Variants in DNAH14 observed in about 807,000 individuals in gnomAD.
DNAH14 encodes the protein axonemal beta dynein heavy chain 14.
Under a neutral mutation model 520.9 loss-of-function variants are expected in DNAH14, and 478 were observed. The ratio of observed to expected loss-of-function variants is 0.92; its 90% confidence interval spans 0.85 to 0.99. DNAH14 has a LOEUF of 0.99. DNAH14 is among the 50% of genes least tolerant of loss of function. DNAH14 has a pLI of 0.00. For missense variants in DNAH14, 4,831 were observed against 5,234.5 expected (o/e 0.92, Z 2.38); for synonymous variants, 1,581 against 1,757.2 (o/e 0.90, Z 2.51).
At chr1:224,940,915 T>C (rs1156814318) in intron 1 of DNAH14, among the ~76,000 whole-genome samples, 1 of 152,202 alleles carries the variant, frequency 6.6e-6, no homozygotes, top group Non-Finnish European at 1.5e-5. Flanking sequence ...ATCCAGTCTA[T>C]CATTGTTGGA....
chr1:224,977,495 A>G (rs1473863468), intron 8 of DNAH14, among the ~76,000 whole-genome samples: 1 of 152,202 alleles, frequency 6.6e-6, no homozygotes, highest in African/African-American at 2.4e-5. Flanking sequence ...AATAATAATA[A>G]TAAAAAAGAA....
At chr1:225,239,103 G>A (rs573758480) in intron 42 of DNAH14, among the ~76,000 whole-genome samples, 23 of 152,288 alleles carry the variant, frequency 1.5e-4, no homozygotes, top group Non-Finnish European at 2.1e-4. Flanking sequence ...GTCTTAACTC[G>A]TGAGGTGCCT....
chr1:225,127,280 G>A (rs1466022250), intron 27 of DNAH14, among the ~76,000 whole-genome samples: 3 of 151,172 alleles, frequency 2.0e-5, no homozygotes, highest in Non-Finnish European at 4.4e-5. Context: ...TTTCTGTCTC[G>A]TTGATCTGTC....
At chr1:225,382,485 C>T (rs1286038218) in intron 81 of DNAH14, among the ~76,000 whole-genome samples, 1 of 152,050 alleles carries the variant, frequency 6.6e-6, no homozygotes, top group Non-Finnish European at 1.5e-5. Context: ...GGTGGCGGAT[C>T]ACCTGAGGTT....
At chr1:224,951,201 T>C (rs1004667410) in intron 1 of DNAH14, among the ~76,000 whole-genome samples, 4 of 152,100 alleles carry the variant, frequency 2.6e-5, no homozygotes, top group African/African-American at 9.7e-5. Flanking sequence ...AATTTTTGTA[T>C]TTTTAGTAGA....
At position 225,368,021 on chromosome 1, in the gene DNAH14, T is replaced by G; in HGVS notation, c.12307T>G (p.Ser4103Ala). 1 of 1,547,974 alleles carries G rather than the reference T, an allele frequency of 6.5e-7. No individual in the cohort carries two copies. The highest frequency in any genetic ancestry group is 8.7e-7 in the Non-Finnish European group (1 of 1,145,990). ...GWNIAYKFNS[S>A]DLGVAIKVLE... ...GAATATTGCTTATAAATTTAATTCT[T>G]CAGACTTGGGGGTAAGTGTAGTCTC... Residue 4103 changes from serine to alanine, a missense_variant, in exon 77 of 86, where the codon TCA becomes GCA. Physicochemically the swap from Ser to Ala is moderately conservative, Grantham distance 99. Coordinates refer to ENST00000682510, the MANE Select transcript of DNAH14 (RefSeq NM_001367479.1).
intron 1 of DNAH14, among the ~76,000 whole-genome samples, chr1:224,945,274 G>A (rs919277704): frequency 3.3e-5 from 5 of 151,984 alleles, no homozygotes; most frequent in African/African-American, 1.2e-4. Flanking sequence ...CTTCCTTCCA[G>A]TTGATCGAAT....
chr1:225,108,032 G>T, intron 23 of DNAH14, among the ~76,000 whole-genome samples: 1 of 152,156 alleles, frequency 6.6e-6, no homozygotes, highest in East Asian at 1.9e-4. Flanking sequence ...TGAGTCAGTG[G>T]ACTGGGAGAG....
chr1:225,367,146 A>G (rs1386303669), intron 76 of DNAH14, among the ~76,000 whole-genome samples: 1 of 151,236 alleles, frequency 6.6e-6, no homozygotes, highest in Non-Finnish European at 1.5e-5. Context: ...AAACTGTGCA[A>G]GGAGGGTAAT....
intron 60 of DNAH14, among the ~76,000 whole-genome samples, 159 bp from the exon 61 acceptor site, chr1:225,318,424 A>G (rs1156470498): frequency 6.6e-6 from 1 of 152,220 alleles, no homozygotes; most frequent in Non-Finnish European, 1.5e-5. Context: ...CCTTTCCAAC[A>G]GTACAAGCAT....
intron 10 of DNAH14, among the ~76,000 whole-genome samples, chr1:225,012,513 G>A (rs942930107): frequency 5.9e-5 from 9 of 152,062 alleles, no homozygotes; most frequent in African/African-American, 2.2e-4. Flanking sequence ...CTAGATTGGG[G>A]AAGTTCTCTC....
chr1:224,986,318 T>TAAA (rs59261709), intron 8 of DNAH14, among the ~76,000 whole-genome samples: 22 of 87,790 alleles, frequency 2.5e-4, no homozygotes, highest in South Asian at 3.7e-4. Flanking sequence ...AAAGGCTTAT[T>TAAA]AAAAAAAAAA....
At chr1:225,321,820 C>T (rs540011638) in intron 61 of DNAH14, among the ~76,000 whole-genome samples, 1 of 152,250 alleles carries the variant, frequency 6.6e-6, no homozygotes, top group African/African-American at 2.4e-5. Context: ...AAATTCCCAT[C>T]CACCCTTCCT....
chr1:225,361,016 A>G (rs1321013204), intron 75 of DNAH14, 125 bp downstream of exon 75: 2 of 844,344 alleles, frequency 2.4e-6, no homozygotes, highest in African/African-American at 3.4e-5. Context: ...CACTCAGATG[A>G]AACTTAACCT....
chr1:224,981,894 G>C (rs2062296217), intron 8 of DNAH14, among the ~76,000 whole-genome samples: 1 of 152,130 alleles, frequency 6.6e-6, no homozygotes, highest in South Asian at 2.1e-4. Flanking sequence ...AAGTTATAGG[G>C]AATAGTCACA....
At chr1:225,282,920 T>C (rs894142189) in intron 54 of DNAH14, among the ~76,000 whole-genome samples, 1 of 152,216 alleles carries the variant, frequency 6.6e-6, no homozygotes, top group Non-Finnish European at 1.5e-5. Context: ...GAGTTATTTA[T>C]ATATTCAGAT....
In DNAH14 at chr1:225,141,161, A is replaced by T. The variant is rs995374550; in HGVS notation, c.4508+140A>T. 7.6e-6 allele frequency: 6 copies of T among 794,660 alleles called. No homozygotes were observed. The African/African-American group carries it at 1.0e-4, about 14-fold the overall frequency. The allele number at this position is 794,660 out of a possible 1,614,324, so 49.2% of individuals were successfully genotyped here. ...ACCAAAATTCTAAGCAAACTGTACCAATCTGAGTATATTAGTCCCCCTTTA... is the reference window on the plus strand; with the variant it reads ...ACCAAAATTCTAAGCAAACTGTACCTATCTGAGTATATTAGTCCCCCTTTA... On this transcript the variant is annotated intron_variant, in intron 28 of 85. Transcript: ENST00000682510.
At position 224,929,712 on chromosome 1, in the gene DNAH14, G is replaced by C. The variant is rs986215915; in HGVS notation, c.-157G>C. The C allele has an allele frequency of 1.4e-6, 1 of 702,434 alleles. No homozygotes were observed. The highest frequency in any genetic ancestry group is 1.5e-5 in the South Asian group (1 of 67,598). 43.5% of individuals were successfully genotyped at this position (702,434 alleles called of 1,614,324 possible). ...CGGCCAGGAGGCGTCGGAGCCTGGC[G>C]TGGTAGGGCTGTGCTGCGCGGTCCT... On this transcript the variant is annotated 5_prime_UTR_variant, in exon 1 of 86. Transcript: ENST00000682510.
At chr1:225,262,205 C>G (rs1448055560) in intron 46 of DNAH14, among the ~76,000 whole-genome samples, 1 of 149,372 alleles carries the variant, frequency 6.7e-6, no homozygotes, top group Non-Finnish European at 1.5e-5. Flanking sequence ...TTTTTTCTTG[C>G]TAATTTGTTT....
Sources: gnomAD v4.1 joint callset for allele counts (sites outside exome capture counted in the v4.1 genomes callset) on GRCh38, gnomAD v4.1.1 for gene constraint, MANE v1.5 for transcripts, NCBI Gene and HGNC (gene_info 2026-07-23, HGNC 2026-07-21) for gene names.